HMMR: variants seen among roughly 807,000 people sequenced by gnomAD.
The protein encoded by HMMR is intracellular hyaluronic acid-binding protein.
A neutral mutation model predicts 101.0 loss-of-function variants in HMMR; 108 were observed. That is an observed-to-expected ratio of 1.07 (90% CI 0.92 to 1.25). HMMR has a LOEUF of 1.25. Among genes scored for constraint, HMMR ranks in the 50% most tolerant of loss-of-function variants. The pLI, the probability that HMMR is intolerant of heterozygous loss-of-function variation, is 0.00. For synonymous variants in HMMR, 296 were observed against 276.4 expected (o/e 1.07, Z -0.70); for missense variants, 813 against 788.7 (o/e 1.03, Z -0.37).
chr5:163,471,945 C>CT (rs1758904529), intron 7 of HMMR, among the ~76,000 whole-genome samples: 1 of 152,146 alleles, frequency 6.6e-6, no homozygotes, highest in South Asian at 2.1e-4. Flanking sequence ...CATACCCCTT[C>CT]TTGTCCCCCT....
rs1758884283 is a variant in HMMR, at chr5:163,471,346, G to T, written c.550-17G>T. The T allele has an allele frequency of 1.2e-6, 2 of 1,612,074 alleles. No homozygotes were observed. Among genetic ancestry groups the T allele is most frequent in the African/African-American group, 2.7e-5 (2 of 74,858 alleles). ...ACAACTTTCTCATTTCCTAAAACAG[G>T]TATCTTTGTTGTGTAGGGTATGATG... On this transcript the variant is annotated splice_polypyrimidine_tract_variant and intron_variant, in intron 6 of 17. Coordinates refer to ENST00000393915, the MANE Select transcript of HMMR (RefSeq NM_001142556.2).
intron 12 of HMMR, 73 bp from the exon 13 acceptor site, chr5:163,482,569 G>A (rs1759307327): frequency 3.7e-6 from 4 of 1,085,730 alleles, no homozygotes; most frequent in African/African-American, 1.6e-5. Context: ...TATATAAAGT[G>A]TAAACTAATC....
At position 163,473,452 on chromosome 5, in the gene HMMR, G is replaced by C. The variant is rs1407176231; in HGVS notation, c.799G>C (p.Asp267His). The C allele has an allele frequency of 6.2e-7, 1 of 1,608,818 alleles. No homozygotes were observed. The highest frequency in any genetic ancestry group is 1.7e-5 in the Admixed American group (1 of 59,692). The change falls in exon 9 of 18, where the codon GAT (aspartate) becomes CAT (histidine). Residue 267 changes from aspartate to histidine, a missense_variant. Transcript: ENST00000393915. ...AGAAGAAAATTTGAAAGAGAAGAAT[G>C]ATGAAATTTTAAGCCTTAAGCAGTC... Reference protein sequence around the residue: ...QLEENLKEKNDEILSLKQSLE... With the variant: ...QLEENLKEKNHEILSLKQSLE...
At chr5:163,471,547 C>T (rs1322931405) in intron 7 of HMMR, 84 bp downstream of exon 7, 11 of 874,832 alleles carry the variant, frequency 1.3e-5, no homozygotes, top group Non-Finnish European at 1.8e-5. Context: ...TTTACTGAGA[C>T]TTCAACCTTC....
intron 1 of HMMR, among the ~76,000 whole-genome samples, chr5:163,462,848 A>C (rs1758583798): frequency 6.6e-6 from 1 of 151,846 alleles, no homozygotes. Context: ...AAAAAAAAAA[A>C]AAAATCATGA....
intron 1 of HMMR, among the ~76,000 whole-genome samples, chr5:163,462,512 T>C (rs974925827): frequency 6.6e-6 from 1 of 152,116 alleles, no homozygotes; most frequent in African/African-American, 2.4e-5. Flanking sequence ...TGTTTTTACT[T>C]TTTAAAAAAT....
chr5:163,486,805 G>A (rs1052927336), intron 16 of HMMR, among the ~76,000 whole-genome samples: 14 of 152,210 alleles, frequency 9.2e-5, no homozygotes, highest in Non-Finnish European at 1.5e-4. Flanking sequence ...TTGGCCAGCC[G>A]AGGTGGCTTA....
At position 163,471,273 on chromosome 5, in the gene HMMR, T is replaced by C. The variant is rs368957053; in HGVS notation, c.549+2T>C. 30 of 1,610,256 alleles carry C rather than the reference T, an allele frequency of 1.9e-5. No individual in the cohort carries two copies. The African/African-American group carries it at 3.6e-4, about 19-fold the overall frequency. ...AACAAAAGAGAAACAAAGATGAGGG[T>C]GAGTGCTGCCCTTGGCAGGTTTGCT... On this transcript the variant is annotated splice_donor_variant, in intron 6 of 17. Coordinates refer to ENST00000393915, the MANE Select transcript of HMMR (RefSeq NM_001142556.2). LOFTEE classifies it high-confidence loss of function.
At chr5:163,466,044 G>A (rs1758695721) in intron 3 of HMMR, among the ~76,000 whole-genome samples, 1 of 150,944 alleles carries the variant, frequency 6.6e-6, no homozygotes, top group African/African-American at 2.4e-5. Flanking sequence ...CAGGTGGATT[G>A]CTTGAGGTCA....
intron 1 of HMMR, among the ~76,000 whole-genome samples, chr5:163,462,163 G>A (rs1758562128): frequency 6.6e-6 from 1 of 152,172 alleles, no homozygotes; most frequent in South Asian, 2.1e-4. Context: ...TGTCAGCAGT[G>A]TGGCTTTAAG....
intron 16 of HMMR, among the ~76,000 whole-genome samples, chr5:163,486,079 G>GT (rs1464928287): frequency 1.3e-5 from 2 of 152,138 alleles, no homozygotes; most frequent in African/African-American, 4.8e-5. Flanking sequence ...ATCAGGAAGC[G>GT]TGAGTCCTCT....
At chr5:163,463,020 T>A (rs1486888707) in intron 1 of HMMR, among the ~76,000 whole-genome samples, 1 of 152,128 alleles carries the variant, frequency 6.6e-6, no homozygotes, top group Non-Finnish European at 1.5e-5. Context: ...CAGCTAAAGC[T>A]TTAGGCTAGT....
In HMMR at chr5:163,460,650, G is replaced by C. The variant is rs747177636; in HGVS notation, c.-43G>C. 2.5e-6 allele frequency: 4 copies of C among 1,571,860 alleles called. No individual in the cohort carries two copies. The highest frequency in any genetic ancestry group is 1.8e-5 in the Admixed American group (1 of 55,536). ...GAGTGATAATCCGCATTCAGTTGTC[G>C]AGGAGTGCCAGTCACCTTCAGTTTC... On this transcript the variant is annotated 5_prime_UTR_variant, in exon 1 of 18. Coordinates refer to ENST00000393915, the MANE Select transcript of HMMR (RefSeq NM_001142556.2).
At chr5:163,460,875 A>G (rs753086770) in intron 1 of HMMR, 137 bp downstream of exon 1, 26 of 740,506 alleles carry the variant, frequency 3.5e-5, no homozygotes, top group African/African-American at 3.5e-4. Flanking sequence ...ATTTTTCTCA[A>G]ATATGCTCTA....
Position 163,472,872 on chromosome 5 carries a change from G to A in HMMR, c.651-307G>A, listed in dbSNP as rs1012524957. Among the ~76,000 whole-genome samples the A allele has an allele frequency of 5.3e-5, 8 of 152,192 alleles. No individual in the cohort carries two copies. The East Asian group carries it at 1.5e-3, about 29-fold the overall frequency. The stretch of plus-strand genomic sequence containing the variant: ...CAAAATGCTATTTAGTATGTTGGAT[G>A]GGTGGGGAAACCAGGAAGACCACAA... On this transcript the variant is annotated intron_variant, in intron 7 of 17. Coordinates refer to ENST00000393915, the MANE Select transcript of HMMR (RefSeq NM_001142556.2).
chr5:163,473,539 C>T lies in HMMR; in HGVS notation c.886C>T (p.Leu296=). The T allele has an allele frequency of 6.4e-7, 1 of 1,570,598 alleles. No individual in the cohort carries two copies. The highest frequency in any genetic ancestry group is 8.6e-7 in the Non-Finnish European group (1 of 1,156,146). Reference sequence around the variant, plus strand: ...AGAAGATCTAAATGTGAAATGTCAGCTGCTTGAAAAAGAAAAAGGTATTAC... The same window carrying T: ...AGAAGATCTAAATGTGAAATGTCAGTTGCTTGAAAAAGAAAAAGGTATTAC... ...QVEDLNVKCQ[L]LEKEKEDHVN... is the part of the protein sequence containing the mutation. Residue 296 remains leucine (L), a synonymous_variant, in exon 9 of 18, where the codon CTG becomes TTG. Transcript: ENST00000393915.
rs199812790 is a variant in HMMR at position 163,460,745 on chromosome 5, A to G, written c.46+7A>G. 232 of 1,606,166 alleles carry G rather than the reference A, an allele frequency of 1.4e-4. No homozygotes were observed. Among genetic ancestry groups the G allele is most frequent in the Non-Finnish European group, 1.4e-4 (160 of 1,176,138 alleles). ...CGATTCAATGACCCTTCTGGTGCGT[A>G]AGGGGGAAAGAGCTGGGGGACGGGA... is the stretch of plus-strand genomic sequence containing the variant. On this transcript the variant is annotated splice_region_variant and intron_variant, in intron 1 of 17. Coordinates refer to ENST00000393915, the MANE Select transcript of HMMR (RefSeq NM_001142556.2).
Position 163,482,768 on chromosome 5 carries a change from C to T in HMMR, c.1512C>T (p.Ser504=). The T allele has an allele frequency of 6.2e-7, 1 of 1,613,650 alleles. No individual in the cohort carries two copies. The highest frequency in any genetic ancestry group is 8.5e-7 in the Non-Finnish European group (1 of 1,179,708). ...DVQHQILATE[S]SNQEYVRMLL... Reference sequence around the variant, plus strand: ...AGCATCAGATTTTGGCAACTGAGAGCTCAAATCAAGAATATGTAAGGTATA... The same window carrying T: ...AGCATCAGATTTTGGCAACTGAGAGTTCAAATCAAGAATATGTAAGGTATA... The change falls in exon 13 of 18, where the codon AGC becomes AGT. Residue 504 remains serine, a synonymous_variant. Coordinates refer to ENST00000393915, the MANE Select transcript of HMMR (RefSeq NM_001142556.2).
Position 163,473,512 on chromosome 5 carries a change from G to A in HMMR, c.859G>A (p.Val287Ile), listed in dbSNP as rs1758968284. The part of the protein sequence containing the change: ...EENIVILSKQ[V>I]EDLNVKCQLL... ...GAATATTGTTATATTATCTAAACAA[G>A]TAGAAGATCTAAATGTGAAATGTCA... The change falls in exon 9 of 18, where the codon GTA (valine) becomes ATA (isoleucine). Residue 287 changes from valine to isoleucine, a missense_variant. Val to Ile is a conservative substitution (Grantham distance 29, BLOSUM62 3). Transcript: ENST00000393915. 6.3e-7 allele frequency: 1 copy of A among 1,587,892 alleles called. No homozygotes were observed. The highest frequency in any genetic ancestry group is 1.4e-5 in the African/African-American group (1 of 73,824).
Sources: gnomAD v4.1 joint callset for allele counts (sites outside exome capture counted in the v4.1 genomes callset) on GRCh38, gnomAD v4.1.1 for gene constraint, MANE v1.5 for transcripts, NCBI Gene and HGNC (gene_info 2026-07-23, HGNC 2026-07-21) for gene names.